The following CCM2L variants were observed in gnomAD, a reference collection of about 807,000 sequenced individuals.
CCM2L encodes cerebral cavernous malformations 2 protein-like.
A neutral mutation model predicts 54.1 loss-of-function variants in CCM2L; 36 were observed. The observed-to-expected ratio is 0.67, with a 90% CI of 0.51 to 0.88. The LOEUF is 0.88. Ranked by LOEUF, CCM2L falls within the 40% of genes least tolerant of loss-of-function variation. The pLI, the probability that CCM2L is intolerant of heterozygous loss-of-function variation, is 0.00. For synonymous variants in CCM2L, 351 were observed against 359.3 expected (o/e 0.98, Z 0.26); for missense variants, 700 against 812.1 (o/e 0.86, Z 1.68).
In CCM2L at chr20:32,018,805, C is replaced by T. The variant is rs2064766659; in HGVS notation, c.467-138C>T. The stretch of plus-strand genomic sequence containing the variant: ...TGGAAGCGGAGTGGGCGGGGAACCG[C>T]CGCGCTACTTTAAAGCCGGGGGCGA... On this transcript the variant is annotated intron_variant, in intron 4 of 9. Transcript: ENST00000452892. 9 of 1,095,792 alleles carry T rather than the reference C, an allele frequency of 8.2e-6. No individual in the cohort carries two copies. In the East Asian group the frequency reaches 3.2e-4, roughly 39 times the overall value. The allele number at this position is 1,095,792 out of a possible 1,614,324, so 67.9% of individuals were successfully genotyped here.
At chr20:32,015,437 TA>T (rs2064733437) in intron 2 of CCM2L, among the ~76,000 whole-genome samples, 1 of 152,226 alleles carries the variant, frequency 6.6e-6, no homozygotes, top group East Asian at 1.9e-4. Flanking sequence ...CGTGCCATAG[TA>T]AACTGTGTAT....
intron 2 of CCM2L, among the ~76,000 whole-genome samples, chr20:32,017,041 A>T (rs1303251333): frequency 6.6e-6 from 1 of 151,046 alleles, no homozygotes; most frequent in Non-Finnish European, 1.5e-5. Flanking sequence ...CCAGCTACTC[A>T]GGAGGCTGAG....
intron 7 of CCM2L, chr20:32,028,704 A>G (rs1251219437): frequency 2.3e-6 from 1 of 425,652 alleles, no homozygotes; most frequent in East Asian, 4.6e-5. Context: ...TTAGCTGTGC[A>G]AAAGGGAGGG....
chr20:32,027,069 T>C (rs2064869239), intron 7 of CCM2L, among the ~76,000 whole-genome samples: 1 of 152,078 alleles, frequency 6.6e-6, no homozygotes, highest in Admixed American at 6.5e-5. Flanking sequence ...AACAATTCAG[T>C]TGGGAACATT....
intron 2 of CCM2L, 59 bp from the exon 3 acceptor site, chr20:32,017,741 T>C: frequency 7.4e-7 from 1 of 1,354,776 alleles, no homozygotes; most frequent in Non-Finnish European, 1.1e-6. Flanking sequence ...AAGGCCAGGG[T>C]TCTTCAAGGT....
At position 32,029,815 on chromosome 20, in the gene CCM2L, A is replaced by T. The variant is rs1372613424; in HGVS notation, c.1379A>T (p.Asp460Val). The change falls in exon 9 of 10, where the codon GAC becomes GTC. Residue 460 changes from aspartate (D) to valine (V), a missense_variant. Coordinates refer to ENST00000452892, the MANE Select transcript of CCM2L (RefSeq NM_001365692.1). ...YCTGLLKLYG[D>V]RRKFLLLGMR... ...ACAGGCCTGCTGAAGCTCTACGGAG[A>T]CCGGCGCAAGTTCCTCCTCCTTGGT... The T allele has an allele frequency of 6.2e-7, 1 of 1,606,608 alleles. No homozygotes were observed. Among genetic ancestry groups the T allele is most frequent in the Non-Finnish European group, 8.5e-7 (1 of 1,175,600 alleles).
At chr20:32,014,200 T>A (rs1471625786) in intron 1 of CCM2L, among the ~76,000 whole-genome samples, 1 of 149,824 alleles carries the variant, frequency 6.7e-6, no homozygotes, top group Non-Finnish European at 1.5e-5. Context: ...TGAATCCTAA[T>A]CTATATTATA....
chr20:32,023,680 C>G (rs2064828043), intron 6 of CCM2L, among the ~76,000 whole-genome samples: 1 of 152,212 alleles, frequency 6.6e-6, no homozygotes, highest in Middle Eastern at 3.2e-3. Context: ...GATGAAAGAA[C>G]TCTCTGAGGC....
chr20:32,023,588 G>C (rs2064827101), intron 6 of CCM2L, among the ~76,000 whole-genome samples: 2 of 152,238 alleles, frequency 1.3e-5, no homozygotes, highest in Non-Finnish European at 2.9e-5. Flanking sequence ...TAGCAACCTT[G>C]CCTGTCCTCT....
At chr20:32,026,479 G>C (rs76198916) in intron 7 of CCM2L, among the ~76,000 whole-genome samples, 1 of 151,992 alleles carries the variant, frequency 6.6e-6, no homozygotes, top group Non-Finnish European at 1.5e-5. Flanking sequence ...AAAGAGTTTT[G>C]CCAGATTCCC....
At chr20:32,026,855 G>A (rs1015036637) in intron 7 of CCM2L, among the ~76,000 whole-genome samples, 1 of 149,264 alleles carries the variant, frequency 6.7e-6, no homozygotes, top group Non-Finnish European at 1.5e-5. Flanking sequence ...CAGCCTGGGC[G>A]ACAGAGCGAG....
intron 2 of CCM2L, among the ~76,000 whole-genome samples, chr20:32,015,996 A>G (rs2064738548): frequency 6.6e-6 from 1 of 151,830 alleles, no homozygotes; most frequent in African/African-American, 2.4e-5. Flanking sequence ...AGCTGGGACT[A>G]CCGGCACGCA....
intron 2 of CCM2L, 24 bp from the exon 3 acceptor site, chr20:32,017,773 CCTT>C (rs775507004): frequency 4.4e-6 from 7 of 1,596,656 alleles, no homozygotes; most frequent in Admixed American, 3.3e-5. Flanking sequence ...ATCTCTGTGT[CCTT>C]CTCTCACCCC....
intron 8 of CCM2L, 81 bp downstream of exon 8, chr20:32,029,205 C>T: frequency 1.3e-6 from 2 of 1,574,936 alleles, no homozygotes; most frequent in Non-Finnish European, 8.7e-7. Context: ...GCACATTGCC[C>T]TGGACATAAC....
intron 8 of CCM2L, 85 bp from the exon 9 acceptor site, chr20:32,029,615 C>T (rs2064899593): frequency 6.7e-7 from 1 of 1,489,878 alleles, no homozygotes; most frequent in African/African-American, 1.4e-5. Context: ...CCAAACATGC[C>T]CTTAGGGAAG....
At chr20:32,029,971 C>A in intron 9 of CCM2L, 133 bp downstream of exon 9, 1 of 1,174,014 alleles carries the variant, frequency 8.5e-7, no homozygotes, top group Non-Finnish European at 1.1e-6. Context: ...ATGAGATTCA[C>A]AGGGCAGATG....
chr20:32,024,087 C>T (rs1163413276), intron 6 of CCM2L, among the ~76,000 whole-genome samples: 1 of 152,182 alleles, frequency 6.6e-6, no homozygotes. Flanking sequence ...CAATAAATTA[C>T]TCAAGGTCAC....
intron 6 of CCM2L, among the ~76,000 whole-genome samples, chr20:32,025,401 C>T (rs1003867566): frequency 6.6e-6 from 1 of 151,718 alleles, no homozygotes; most frequent in Non-Finnish European, 1.5e-5. Context: ...CTCAAGTAGC[C>T]GGGACCACAG....
chr20:32,031,393 C>T lies in CCM2L; in HGVS notation c.*79C>T, dbSNP rs184780954. 4.4e-6 allele frequency: 5 copies of T among 1,132,916 alleles called. No individual in the cohort carries two copies. The highest frequency in any genetic ancestry group is 4.5e-6 in the Non-Finnish European group (4 of 887,918). The allele number at this position is 1,132,916 out of a possible 1,614,324, so 70.2% of individuals were successfully genotyped here. On this transcript the variant is annotated 3_prime_UTR_variant, in exon 10 of 10. Coordinates refer to ENST00000452892, the MANE Select transcript of CCM2L (RefSeq NM_001365692.1). Reference sequence around the variant, plus strand: ...TGCTTCGGGGACCCTATCCCCAGGGCCCCCCCATCACACCTGGCGGGGCCG... The same window carrying T: ...TGCTTCGGGGACCCTATCCCCAGGGTCCCCCCATCACACCTGGCGGGGCCG...
Sources: gnomAD v4.1 joint callset for allele counts (sites outside exome capture counted in the v4.1 genomes callset) on GRCh38, gnomAD v4.1.1 for gene constraint, MANE v1.5 for transcripts, NCBI Gene and HGNC (gene_info 2026-07-23, HGNC 2026-07-21) for gene names.